The following ARHGEF11 variants were observed in gnomAD, a reference collection of about 807,000 sequenced individuals.
ARHGEF11 encodes Rho guanine exchange factor (GEF) 11.
Under a neutral mutation model 193.7 loss-of-function variants are expected in ARHGEF11, and 55 were observed. The ratio of observed to expected loss-of-function variants is 0.28; its 90% confidence interval spans 0.23 to 0.36. ARHGEF11 has a LOEUF of 0.36. Among genes scored for constraint, ARHGEF11 ranks in the 10% least tolerant of loss-of-function variants. ARHGEF11 has a pLI of 1.00. For missense variants in ARHGEF11, 1,723 were observed against 2,005.6 expected, an observed-to-expected ratio of 0.86 and a Z score of 2.69; for synonymous variants, 693 against 768.0, an observed-to-expected ratio of 0.90 and a Z score of 1.62.
Position 156,943,474 on chromosome 1 carries a change from C to T in ARHGEF11, c.3235+461G>A, listed in dbSNP as rs566267184. On this transcript the variant is annotated intron_variant, in intron 32 of 40. Coordinates refer to ENST00000368194, the MANE Select transcript of ARHGEF11 (RefSeq NM_198236.3). The stretch of plus-strand genomic sequence containing the variant: ...AAAGTGAATCCAGAGAATTTTGCTC[C>T]AGAGCCCTTTCTCACACACACTACA... Among the ~76,000 whole-genome samples the T allele has an allele frequency of 2.6e-5, 4 of 152,328 alleles. No homozygotes were observed. In the East Asian group the frequency reaches 7.7e-4, roughly 29 times the overall value.
intron 1 of ARHGEF11, among the ~76,000 whole-genome samples, chr1:157,037,368 A>G (rs139728979): frequency 1.7e-4 from 26 of 152,266 alleles, no homozygotes; most frequent in Admixed American, 3.9e-4. Flanking sequence ...GTTTATCACC[A>G]TATAATACAT....
intron 1 of ARHGEF11, among the ~76,000 whole-genome samples, chr1:157,037,860 C>T (rs1672236287): frequency 6.6e-6 from 1 of 151,454 alleles, no homozygotes; most frequent in Admixed American, 6.6e-5. Context: ...GTGAAACCCC[C>T]GTCTCTACTA....
rs1658464256 is a variant in ARHGEF11, at chr1:156,948,012, T to C, written c.2154-56A>G. 6.9e-6 allele frequency: 11 copies of C among 1,590,596 alleles called. No individual in the cohort carries two copies. The highest frequency in any genetic ancestry group is 5.4e-5 in the African/African-American group (4 of 74,402). On this transcript the variant is annotated intron_variant, in intron 24 of 40. Transcript: ENST00000368194. This position sits in a 1 kb window ranked among gnomAD's most constrained non-coding sequence, Gnocchi z 4.2. ...TAGGAGGAAGAACTCACACAGAGGG[T>C]TTGGCCCTCCCTCTCCTGCCCGACC...
chr1:156,989,410 C>T (rs1179104484), intron 1 of ARHGEF11, among the ~76,000 whole-genome samples: 10 of 152,168 alleles, frequency 6.6e-5, no homozygotes, highest in African/African-American at 1.7e-4. Context: ...CCACCACAGA[C>T]TAACTTACTC....
chr1:156,999,136 T>C (rs924385958), intron 1 of ARHGEF11, among the ~76,000 whole-genome samples: 15 of 152,218 alleles, frequency 9.9e-5, no homozygotes, highest in African/African-American at 3.4e-4. Flanking sequence ...CTTATCTTTT[T>C]ATATATCCTT....
intron 10 of ARHGEF11, 68 bp from the exon 11 acceptor site, chr1:156,968,192 G>C: frequency 2.0e-6 from 3 of 1,532,012 alleles, no homozygotes; most frequent in Non-Finnish European, 2.6e-6. Flanking sequence ...AGCTCATTTG[G>C]TGTTGGTGGT....
At position 157,044,321 on chromosome 1, in the gene ARHGEF11, T is replaced by C. The variant is rs560915722; in HGVS notation, c.10A>G (p.Arg4Gly). 4 of 1,613,592 alleles carry C rather than the reference T, an allele frequency of 2.5e-6. No homozygotes were observed. The highest frequency in any genetic ancestry group is 3.4e-6 in the Non-Finnish European group (4 of 1,179,802). The part of the protein sequence containing the change: MSV[R>G]LPQSIDRLSS... Reference sequence around the variant, plus strand: ...TACCTGTCTATACTCTGGGGTAACCTTACACTCATGGTTTCTCGGTGTCTC... The same window carrying C: ...TACCTGTCTATACTCTGGGGTAACCCTACACTCATGGTTTCTCGGTGTCTC... The change falls in exon 1 of 41, where the codon AGG (arginine) becomes GGG (glycine). Residue 4 changes from arginine (R) to glycine (G), a missense_variant. Physicochemically the swap from Arg to Gly is moderately radical, Grantham distance 125. Around this residue, in one of 5 missense-constraint regions of ARHGEF11, gnomAD observed 646 missense variants for 710.7 expected, o/e 0.91. Coordinates refer to ENST00000368194, the MANE Select transcript of ARHGEF11 (RefSeq NM_198236.3).
chr1:156,954,139 G>A (rs1464135671), intron 21 of ARHGEF11, among the ~76,000 whole-genome samples: 4 of 151,906 alleles, frequency 2.6e-5, no homozygotes, highest in East Asian at 1.9e-4. Flanking sequence ...CAGCACTCTC[G>A]GAGGCCAAGG....
intron 25 of ARHGEF11, 34 bp from the exon 26 acceptor site, chr1:156,947,484 C>T: frequency 6.4e-7 from 1 of 1,553,730 alleles, no homozygotes; most frequent in Non-Finnish European, 8.7e-7. Flanking sequence ...GGGTAGAAAG[C>T]CAGGGAGAAA....
At chr1:156,960,581 T>C in intron 14 of ARHGEF11, 121 bp from the exon 15 acceptor site, 5 of 835,124 alleles carry the variant, frequency 6.0e-6, no homozygotes, top group South Asian at 4.8e-5. Flanking sequence ...TACATCTGCC[T>C]ACCATCCTTC....
chr1:157,005,463 C>T (rs773630795), intron 1 of ARHGEF11, among the ~76,000 whole-genome samples: 7 of 152,196 alleles, frequency 4.6e-5, no homozygotes, highest in African/African-American at 7.2e-5. Flanking sequence ...TGAACAGCGA[C>T]AGCTCAGAGG....
At chr1:157,019,865 AAAG>A (rs1669745922) in intron 1 of ARHGEF11, among the ~76,000 whole-genome samples, 1 of 152,140 alleles carries the variant, frequency 6.6e-6, no homozygotes. Flanking sequence ...AGAGGGGAGA[AAAG>A]AAGAGAGATG....
chr1:157,004,760 C>T (rs1176688464), intron 1 of ARHGEF11, among the ~76,000 whole-genome samples: 2 of 152,178 alleles, frequency 1.3e-5, no homozygotes, highest in Non-Finnish European at 2.9e-5. Flanking sequence ...CTTGGGGCCC[C>T]TCCCCTCATT....
At chr1:156,969,477 A>G in intron 9 of ARHGEF11, 119 bp from the exon 10 acceptor site, 3 of 923,132 alleles carry the variant, frequency 3.2e-6, no homozygotes, top group Non-Finnish European at 5.0e-6. Context: ...TTCTTTCACC[A>G]GTTTCCCTTC....
intron 3 of ARHGEF11, among the ~76,000 whole-genome samples, chr1:156,980,943 G>A (rs1557897396): frequency 1.3e-5 from 2 of 151,566 alleles, no homozygotes; most frequent in African/African-American, 2.4e-5. Flanking sequence ...GTCCTGAGAG[G>A]TTCATAAAGA....
intron 1 of ARHGEF11, among the ~76,000 whole-genome samples, chr1:156,998,148 G>C (rs1435532171): frequency 1.3e-5 from 2 of 152,156 alleles, no homozygotes; most frequent in African/African-American, 4.8e-5. Flanking sequence ...CTAGAGTAAA[G>C]AGGCACAACT....
intron 1 of ARHGEF11, 46 bp from the exon 2 acceptor site, chr1:156,986,219 G>C: frequency 6.6e-7 from 1 of 1,522,628 alleles, no homozygotes; most frequent in South Asian, 1.1e-5. Flanking sequence ...CAGCAGGGGG[G>C]ATCAGCCTTG....
At chr1:156,944,155 T>C in intron 31 of ARHGEF11, 53 bp from the exon 32 acceptor site, 1 of 1,588,878 alleles carries the variant, frequency 6.3e-7, no homozygotes, top group South Asian at 1.1e-5. Context: ...TCATCCCTCA[T>C]GAGCACAATG....
At chr1:157,016,001 A>G (rs1669181874) in intron 1 of ARHGEF11, among the ~76,000 whole-genome samples, 2 of 152,210 alleles carry the variant, frequency 1.3e-5, no homozygotes, top group South Asian at 4.1e-4. Flanking sequence ...AAAATAAACC[A>G]GGAGTGTGTG....
Sources: allele counts gnomAD v4.1 joint callset (sites outside exome capture counted in the v4.1 genomes callset), GRCh38; gene constraint gnomAD v4.1.1; regional missense constraint gnomAD v4.1.1; non-coding constraint Gnocchi (gnomAD v3.1); transcripts MANE v1.5; gene names NCBI Gene and HGNC (gene_info 2026-07-23, HGNC 2026-07-21).